Variants in CDH13 observed in about 807,000 individuals in gnomAD.
The protein encoded by CDH13 is cadherin 13, also known as cadherin-13.
A neutral mutation model predicts 63.8 loss-of-function variants in CDH13; 24 were observed. That is an observed-to-expected ratio of 0.38 (90% CI 0.27 to 0.53). The LOEUF (loss-of-function observed/expected upper bound fraction) is 0.53, where lower values mean the gene tolerates loss of function less well. Among genes scored for constraint, CDH13 ranks in the 20% least tolerant of loss-of-function variants. The probability of loss-of-function intolerance (pLI) is 0.85; values close to 1 mark genes in which losing one functional copy is unlikely to be tolerated. For synonymous variants in CDH13, 503 were observed against 355.3 expected (o/e 1.42, Z -4.67); for missense variants, 1,049 against 903.1 (o/e 1.16, Z -2.07).
intron 2 of CDH13, among the ~76,000 whole-genome samples, chr16:82,955,091 A>C (rs1268636858): frequency 1.3e-5 from 2 of 152,216 alleles, no homozygotes; most frequent in Non-Finnish European, 2.9e-5. Context: ...GTTGCTGTGA[A>C]AATATGCCTA....
At position 83,349,066 on chromosome 16, in the gene CDH13, G is replaced by A. The variant is rs1431372387; in HGVS notation, c.781+4060G>A. ...TATTTATCTGTATGTGCAGACAGGAGACCATTCCGGCTGCTCAGCACTGAA... is the reference window on the plus strand; with the variant it reads ...TATTTATCTGTATGTGCAGACAGGAAACCATTCCGGCTGCTCAGCACTGAA... On this transcript the variant is annotated intron_variant, in intron 6 of 13. Coordinates refer to ENST00000567109, the MANE Select transcript of CDH13 (RefSeq NM_001257.5). Among the ~76,000 whole-genome samples, 5 of 152,316 alleles carry A rather than the reference G, an allele frequency of 3.3e-5. No individual in the cohort carries two copies. In the South Asian group the frequency reaches 6.2e-4, roughly 19 times the overall value.
chr16:83,314,067 G>T (rs2090055892), intron 5 of CDH13, among the ~76,000 whole-genome samples: 1 of 152,186 alleles, frequency 6.6e-6, no homozygotes, highest in South Asian at 2.1e-4. Flanking sequence ...TTTACCTGCT[G>T]TCAAATCTCA....
chr16:82,805,176 C>T (rs1308909658), intron 1 of CDH13, among the ~76,000 whole-genome samples: 1 of 152,124 alleles, frequency 6.6e-6, no homozygotes, highest in Non-Finnish European at 1.5e-5. Flanking sequence ...TCCATGTGTC[C>T]TTCTCTCTAA....
chr16:83,357,999 A>G (rs777603034), intron 6 of CDH13, among the ~76,000 whole-genome samples: 2 of 152,200 alleles, frequency 1.3e-5, no homozygotes, highest in African/African-American at 2.4e-5. Context: ...GGCGGATGCT[A>G]TGATCATCTC....
chr16:83,201,873 C>T (rs1303746625), intron 4 of CDH13, among the ~76,000 whole-genome samples: 2 of 152,058 alleles, frequency 1.3e-5, no homozygotes, highest in Non-Finnish European at 2.9e-5. Flanking sequence ...TGAGATCACG[C>T]AACTGCACTC....
intron 8 of CDH13, among the ~76,000 whole-genome samples, chr16:83,606,129 CA>C (rs1182220122): frequency 6.6e-6 from 1 of 152,150 alleles, no homozygotes; most frequent in East Asian, 1.9e-4. Context: ...AGATGAAAAT[CA>C]AGGTTTAGTC....
chr16:82,665,730 C>T (rs935705620), intron 1 of CDH13, among the ~76,000 whole-genome samples: 2 of 152,026 alleles, frequency 1.3e-5, no homozygotes, highest in African/African-American at 4.8e-5. Context: ...CAGTAGCCAG[C>T]TCCTCTCTGA....
rs1914773375 is a variant in CDH13 at position 83,771,719 on chromosome 16, G to C, written c.1682-8249G>C. On this transcript the variant is annotated intron_variant, in intron 11 of 13. Coordinates refer to ENST00000567109, the MANE Select transcript of CDH13 (RefSeq NM_001257.5). ...TAGGTTGGAGATCTCTCAGTCAAGA[G>C]TGACAGGCTGTCACTGAAAATGGGT... Among the ~76,000 whole-genome samples the C allele has an allele frequency of 3.9e-5, 6 of 152,340 alleles. 1 individual carries two copies. The South Asian group carries it at 1.2e-3, about 32-fold the overall frequency.
At chr16:83,662,473 T>G (rs1311835808) in intron 8 of CDH13, among the ~76,000 whole-genome samples, 2 of 152,226 alleles carry the variant, frequency 1.3e-5, no homozygotes, top group Non-Finnish European at 2.9e-5. Flanking sequence ...TCTCTGTGTT[T>G]TAGACTGAAA....
intron 7 of CDH13, among the ~76,000 whole-genome samples, chr16:83,557,407 A>T (rs1265148413): frequency 6.6e-6 from 1 of 152,170 alleles, no homozygotes; most frequent in East Asian, 1.9e-4. Context: ...GTCCGTGGAA[A>T]AATTGCCTTC....
intron 11 of CDH13, among the ~76,000 whole-genome samples, chr16:83,749,367 C>T (rs1912886303): frequency 6.6e-6 from 1 of 152,084 alleles, no homozygotes; most frequent in Non-Finnish European, 1.5e-5. Context: ...AAAGGTGAGC[C>T]TTGGGGTTAG....
intron 5 of CDH13, among the ~76,000 whole-genome samples, chr16:83,296,396 TATTG>T (rs2089598339): frequency 6.6e-6 from 1 of 152,186 alleles, no homozygotes; most frequent in African/African-American, 2.4e-5. Context: ...CAAGAAATGC[TATTG>T]ATTATAGGAG....
At chr16:83,303,404 G>A (rs1295391986) in intron 5 of CDH13, among the ~76,000 whole-genome samples, 1 of 152,164 alleles carries the variant, frequency 6.6e-6, no homozygotes, top group African/African-American at 2.4e-5. Context: ...AATTTGAAGG[G>A]GAGTAAATAA....
intron 3 of CDH13, among the ~76,000 whole-genome samples, chr16:83,113,424 A>G (rs957327774): frequency 1.3e-5 from 2 of 152,240 alleles, no homozygotes; most frequent in African/African-American, 4.8e-5. Flanking sequence ...TTATTTCATA[A>G]TTGCTTTATT....
intron 2 of CDH13, among the ~76,000 whole-genome samples, chr16:82,987,091 C>T (rs1230465758): frequency 2.0e-5 from 3 of 152,178 alleles, no homozygotes; most frequent in African/African-American, 7.2e-5. Context: ...ATGGAGAGGA[C>T]ATGTGAATCA....
chr16:82,796,337 C>G (rs770247647), intron 1 of CDH13, among the ~76,000 whole-genome samples: 55 of 152,312 alleles, frequency 3.6e-4, no homozygotes, highest in Non-Finnish European at 7.1e-4. Flanking sequence ...TCTCGCTCTT[C>G]TCTTCCATTT....
intron 5 of CDH13, among the ~76,000 whole-genome samples, chr16:83,332,660 C>T (rs2090504198): frequency 6.6e-6 from 1 of 152,124 alleles, no homozygotes. Flanking sequence ...GGCATAATTC[C>T]ATCATCCAAG....
At chr16:83,457,217 T>C (rs1203264750) in intron 6 of CDH13, among the ~76,000 whole-genome samples, 1 of 152,116 alleles carries the variant, frequency 6.6e-6, no homozygotes, top group Admixed American at 6.5e-5. Flanking sequence ...CACCTTACGG[T>C]TGTTTTGGGG....
At chr16:83,301,037 T>TTTG (rs1555527318) in intron 5 of CDH13, among the ~76,000 whole-genome samples, 2 of 134,406 alleles carry the variant, frequency 1.5e-5, no homozygotes, top group African/African-American at 2.8e-5. Flanking sequence ...TTTTTTTTTT[T>TTTG]TTTTTTTTTT....
Sources: allele counts gnomAD v4.1 joint callset (sites outside exome capture counted in the v4.1 genomes callset), GRCh38; gene constraint gnomAD v4.1.1; transcripts MANE v1.5; gene names NCBI Gene and HGNC (gene_info 2026-07-23, HGNC 2026-07-21).